Variants in ARHGEF5 observed in about 807,000 individuals in gnomAD.
ARHGEF5 encodes the protein Rho guanine nucleotide exchange factor (GEF) 5.
In ARHGEF5, 11 loss-of-function variants were observed where a neutral mutation model predicts 104.0. The ratio of observed to expected loss-of-function variants is 0.11; its 90% confidence interval spans 0.07 to 0.18. The LOEUF (loss-of-function observed/expected upper bound fraction) is 0.18. Ranked by LOEUF, ARHGEF5 falls within the 10% of genes least tolerant of loss-of-function variation. ARHGEF5 has a pLI of 1.00. For synonymous variants in ARHGEF5, 60 were observed against 512.2 expected (o/e 0.12, Z 11.92); for missense variants, 165 against 1,335.4 (o/e 0.12, Z 13.66).
At position 144,365,493 on chromosome 7, in the gene ARHGEF5, A is replaced by AG; in HGVS notation, c.2824_2825insG (p.Thr942SerfsTer10). 7.9e-7 allele frequency: 1 copy of AG among 1,268,744 alleles called. No homozygotes were observed. The highest frequency in any genetic ancestry group is 1.1e-6 in the Non-Finnish European group (1 of 905,414). The allele number at this position is 1,268,744 out of a possible 1,614,324, so 78.6% of individuals were successfully genotyped here. A position where few individuals can be genotyped will look rare whatever the true frequency, so the allele number is the denominator to read the frequency against. The stretch of plus-strand genomic sequence containing the variant: ...CCCCTCTTCCCCTACCACTCCCTGG[A>AG]CTCCGGAGCTCCAGGGACCCACCTC... On this transcript the variant is annotated frameshift_variant, in exon 2 of 15. Coordinates refer to ENST00000056217, the MANE Select transcript of ARHGEF5 (RefSeq NM_005435.4). LOFTEE classifies it high-confidence loss of function.
chr7:144,363,465 AATG>A lies in ARHGEF5; in HGVS notation c.801_803del (p.Asp267del). 2 of 1,554,602 alleles carry A rather than the reference AATG, an allele frequency of 1.3e-6. No individual in the cohort carries two copies. The highest frequency in any genetic ancestry group is 1.8e-6 in the Non-Finnish European group (2 of 1,131,184). Reference sequence around the variant, plus strand: ...GGAGGAACAGATGATAGAGCAGGTTAATGATGAAAAGGGAGAACAGAAGCAAAA... The same window carrying A: ...GGAGGAACAGATGATAGAGCAGGTTAATGAAAAGGGAGAACAGAAGCAAAA... On this transcript the variant is annotated inframe_deletion, in exon 2 of 15. Coordinates refer to ENST00000056217, the MANE Select transcript of ARHGEF5 (RefSeq NM_005435.4).
At chr7:144,357,778 A>G (rs1184275247) in intron 1 of ARHGEF5, among the ~76,000 whole-genome samples, 1 of 151,374 alleles carries the variant, frequency 6.6e-6, no homozygotes, top group Non-Finnish European at 1.5e-5. Context: ...TGTTAAAGGG[A>G]TGACTTGAAG....
At chr7:144,370,442 A>C (rs1279885877) in intron 5 of ARHGEF5, among the ~76,000 whole-genome samples, 1 of 151,802 alleles carries the variant, frequency 6.6e-6, no homozygotes, top group Non-Finnish European at 1.5e-5. Context: ...TTGGTTCAAA[A>C]AATGCTCAAT....
intron 1 of ARHGEF5, among the ~76,000 whole-genome samples, chr7:144,357,843 G>A (rs1167653984): frequency 1.6e-5 from 2 of 122,810 alleles, no homozygotes; most frequent in African/African-American, 6.0e-5. Context: ...CAGAATGTCT[G>A]TGGTCTGAAG....
intron 14 of ARHGEF5, 39 bp from the exon 15 acceptor site, chr7:144,379,860 T>C (rs201944428): frequency 1.2e-6 from 2 of 1,612,874 alleles, no homozygotes; most frequent in East Asian, 4.5e-5. Context: ...ATCGTGAGCC[T>C]TTCCCAGGTA....
Position 144,364,883 on chromosome 7 carries a change from CG to C in ARHGEF5, c.2215del (p.Val739TrpfsTer10). 1 of 488,154 alleles carries C rather than the reference CG, an allele frequency of 2.0e-6. No individual in the cohort carries two copies. The highest frequency in any genetic ancestry group is 4.4e-5 in the African/African-American group (1 of 22,876). The allele number at this position is 488,154 out of a possible 1,614,324, so 30.2% of individuals were successfully genotyped here. Reference protein sequence around the residue: ...PPQRRDTHPSVVETDGHARVV... With the variant: ...PPQRRDTHPSXVETDGHARVV... ...CACAGAGGAGGGACACCCATCCCTCCGTGGTGGAGACAGATGGCCATGCTCG... is the reference window on the plus strand; with the variant it reads ...CACAGAGGAGGGACACCCATCCCTCCTGGTGGAGACAGATGGCCATGCTCG... On this transcript the variant is annotated frameshift_variant, in exon 2 of 15. Coordinates refer to ENST00000056217, the MANE Select transcript of ARHGEF5 (RefSeq NM_005435.4). LOFTEE classifies it high-confidence loss of function.
chr7:144,380,409 G>A lies in ARHGEF5; in HGVS notation c.*353G>A, dbSNP rs1022205024. ...GCTGGCCAGAGTTTCAGTGATAGCCGTATGTTAAACAGAATCTCACCTCAG... is the reference window on the plus strand; with the variant it reads ...GCTGGCCAGAGTTTCAGTGATAGCCATATGTTAAACAGAATCTCACCTCAG... On this transcript the variant is annotated 3_prime_UTR_variant, in exon 15 of 15. Transcript: ENST00000056217. 1.5e-5 allele frequency: 3 copies of A among 200,916 alleles called. No individual in the cohort carries two copies. Among genetic ancestry groups the A allele is most frequent in the East Asian group, 1.1e-4 (1 of 9,162 alleles). 12.4% of individuals were successfully genotyped at this position (200,916 alleles called of 1,614,324 possible).
chr7:144,377,312 C>T, intron 13 of ARHGEF5, 122 bp downstream of exon 13: 3 of 1,523,572 alleles, frequency 2.0e-6, no homozygotes, highest in Non-Finnish European at 2.7e-6. Context: ...CGTAAAATGT[C>T]AGGGTGGAAG....
At chr7:144,357,732 G>T (rs1372603251) in intron 1 of ARHGEF5, among the ~76,000 whole-genome samples, 2 of 151,876 alleles carry the variant, frequency 1.3e-5, no homozygotes, top group African/African-American at 2.4e-5. Context: ...TGTTGGGGGG[G>T]GCTCTAGGGA....
chr7:144,372,495 CA>C, intron 8 of ARHGEF5, 67 bp downstream of exon 8: 1 of 634,586 alleles, frequency 1.6e-6, no homozygotes, highest in Non-Finnish European at 2.8e-6. Flanking sequence ...AGACCCACAA[CA>C]AAGGACCAAC....
In ARHGEF5 at chr7:144,363,951, C is replaced by A. The variant is rs776086930; in HGVS notation, c.1282C>A (p.Leu428Ile). 9 of 1,401,796 alleles carry A rather than the reference C, an allele frequency of 6.4e-6. 3 individuals are homozygous for A. The highest frequency in any genetic ancestry group is 8.8e-6 in the Non-Finnish European group (9 of 1,023,168). The allele number at this position is 1,401,796 out of a possible 1,614,324, so 86.8% of individuals were successfully genotyped here. The change falls in exon 2 of 15, where the codon CTC becomes ATC. Residue 428 changes from leucine (L) to isoleucine (I), a missense_variant. Physicochemically the swap from Leu to Ile is conservative, Grantham distance 5. Transcript: ENST00000056217. The stretch of plus-strand genomic sequence containing the variant: ...TGACCTGTTTCCAGGTGCCTCATAT[C>A]TCATGACTCAGATTCCCGGGACTCA... ...HCDLFPGASYLMTQIPGTQTE... is the reference protein window; with the variant it reads ...HCDLFPGASYIMTQIPGTQTE...
intron 14 of ARHGEF5, 124 bp from the exon 15 acceptor site, chr7:144,379,774 GT>G (rs1437590435): frequency 1.3e-5 from 17 of 1,313,336 alleles, no homozygotes; most frequent in Non-Finnish European, 1.8e-5. Context: ...TGGAGGCTGG[GT>G]TTATGCTGGA....
chr7:144,361,382 GTCT>G (rs1286509769), intron 1 of ARHGEF5, among the ~76,000 whole-genome samples: 1 of 137,182 alleles, frequency 7.3e-6, no homozygotes, highest in South Asian at 2.3e-4. Flanking sequence ...GATCCATAAG[GTCT>G]TCTTTGGAAT....
intron 13 of ARHGEF5, among the ~76,000 whole-genome samples, 157 bp downstream of exon 13, chr7:144,377,347 T>A (rs1406970700): frequency 6.6e-6 from 1 of 152,208 alleles, no homozygotes. Context: ...CTTAAAAACC[T>A]GAAATATATC....
intron 1 of ARHGEF5, among the ~76,000 whole-genome samples, chr7:144,360,616 GT>G (rs1255859776): frequency 9.0e-6 from 1 of 111,058 alleles, no homozygotes; most frequent in African/African-American, 3.3e-5. Flanking sequence ...TGTGTAAACT[GT>G]TAATCATGAT....
intron 14 of ARHGEF5, 104 bp from the exon 15 acceptor site, chr7:144,379,795 G>A (rs761017255): frequency 3.4e-6 from 5 of 1,469,702 alleles, no homozygotes; most frequent in African/African-American, 1.4e-5. Context: ...AGGCTCCCCA[G>A]TTCACTCAGC....
chr7:144,378,724 CCTCTCCTAACCT>C (rs745460227), intron 13 of ARHGEF5, 26 bp from the exon 14 acceptor site: 5 of 1,574,460 alleles, frequency 3.2e-6, no homozygotes, highest in African/African-American at 1.4e-5. Flanking sequence ...CAATCCCCTG[CCTCTCCTAACCT>C]CTCTTCACAC....
intron 10 of ARHGEF5, among the ~76,000 whole-genome samples, chr7:144,373,838 G>A (rs1385728959): frequency 6.8e-6 from 1 of 147,686 alleles, no homozygotes; most frequent in African/African-American, 2.5e-5. Flanking sequence ...ACTTAGAACA[G>A]ATACTATCTT....
chr7:144,379,399 G>A (rs183236941), intron 14 of ARHGEF5, among the ~76,000 whole-genome samples: 66 of 152,000 alleles, frequency 4.3e-4, no homozygotes, highest in Non-Finnish European at 8.2e-4. Context: ...TAGTAGAGAT[G>A]GGGTTTCACC....
Sources: allele counts gnomAD v4.1 joint callset (sites outside exome capture counted in the v4.1 genomes callset), GRCh38; gene constraint gnomAD v4.1.1; transcripts MANE v1.5; gene names NCBI Gene and HGNC (gene_info 2026-07-23, HGNC 2026-07-21).